HADHB: variants seen among roughly 807,000 people sequenced by gnomAD.
HADHB encodes trifunctional enzyme subunit beta, mitochondrial.
A neutral mutation model predicts 61.9 loss-of-function variants in HADHB; 50 were observed. The ratio of observed to expected loss-of-function variants is 0.81; its 90% CI spans 0.64 to 1.02. The LOEUF is 1.02. Ranked by LOEUF, HADHB falls within the 50% of genes least tolerant of loss-of-function variation. The pLI, the probability that HADHB is intolerant of heterozygous loss-of-function variation, is 0.00. For missense variants in HADHB, 504 were observed against 586.5 expected (o/e 0.86, Z 1.45); for synonymous variants, 191 against 201.6 (o/e 0.95, Z 0.45).
intron 1 of HADHB, among the ~76,000 whole-genome samples, chr2:26,250,926 T>A (rs1671374425): frequency 6.6e-6 from 1 of 151,390 alleles, no homozygotes; most frequent in African/African-American, 2.4e-5. Flanking sequence ...TACATTTAAA[T>A]ATTTAATCTG....
chr2:26,284,102 A>AT lies in HADHB; in HGVS notation c.1062-9dup, dbSNP rs1259845668. The stretch of plus-strand genomic sequence containing the variant: ...AAATTAAAGTTTTAAGATATTACTT[A>AT]TTTTTTCTTTGCAGACCAACATATG... On this transcript the variant is annotated splice_polypyrimidine_tract_variant and intron_variant, in intron 12 of 15. Coordinates refer to ENST00000317799, the MANE Select transcript of HADHB (RefSeq NM_000183.3). 4 of 1,466,476 alleles carry AT rather than the reference A, an allele frequency of 2.7e-6. No individual in the cohort carries two copies. The highest frequency in any genetic ancestry group is 2.8e-5 in the African/African-American group (2 of 72,072). The allele number at this position is 1,466,476 out of a possible 1,614,324, so 90.8% of individuals were successfully genotyped here.
At chr2:26,269,913 T>C (rs376684352) in intron 4 of HADHB, 40 bp from the exon 5 acceptor site, 7 of 1,414,242 alleles carry the variant, frequency 4.9e-6, no homozygotes, top group Non-Finnish European at 6.0e-6. Context: ...TCATTGAAGC[T>C]CTAGGGTTTT....
Position 26,279,280 on chromosome 2 carries a change from G to GT in HADHB, c.776_777insT (p.Leu260ThrfsTer4). On this transcript the variant is annotated frameshift_variant, in exon 9 of 16. Coordinates refer to ENST00000317799, the MANE Select transcript of HADHB (RefSeq NM_000183.3). LOFTEE classifies it high-confidence loss of function. ...CTAGCCAAGAAGGCACAGGATGAAG[G>GT]ACTCCTTTCTGATGTGGTACCCTTC... 1 of 1,613,270 alleles carries GT rather than the reference G, an allele frequency of 6.2e-7. No individual in the cohort carries two copies. Among genetic ancestry groups the GT allele is most frequent in the East Asian group, 2.2e-5 (1 of 44,878 alleles).
intron 1 of HADHB, among the ~76,000 whole-genome samples, chr2:26,249,471 G>A (rs752437465): frequency 5.3e-5 from 8 of 152,044 alleles, no homozygotes; most frequent in Non-Finnish European, 7.4e-5. Flanking sequence ...AGATCGCGCC[G>A]CTGTACTCCA....
In HADHB at chr2:26,257,752, G is replaced by T. The variant is rs146055462; in HGVS notation, c.109+3278G>T. 5.1e-3 allele frequency among the ~76,000 whole-genome samples: 774 copies of T among 152,204 alleles called. 10 individuals carry two copies. The highest frequency in any genetic ancestry group is 0.018 in the African/African-American group (745 of 41,546). ...TTCCCACTTGTGGCTGGGCGTGATG[G>T]CTCACACCTGTAATCCCAGCACTTT... On this transcript the variant is annotated intron_variant, in intron 3 of 15. Transcript: ENST00000317799.
chr2:26,283,125 A>G, intron 12 of HADHB, 74 bp downstream of exon 12: 1 of 930,920 alleles, frequency 1.1e-6, no homozygotes, highest in Admixed American at 1.7e-5. Context: ...ACTGGTTAAT[A>G]AATGATTAAC....
chr2:26,258,578 A>AACAGCGGGTCTGCGACG, intron 3 of HADHB, among the ~76,000 whole-genome samples: 1 of 152,298 alleles, frequency 6.6e-6, no homozygotes, highest in Admixed American at 6.5e-5. Context: ...GGTCTGCGAC[A>AACAGCGGGTCTGCGACG]GTGGCGAACA....
intron 3 of HADHB, among the ~76,000 whole-genome samples, chr2:26,256,769 C>G (rs1306308495): frequency 6.6e-6 from 1 of 152,114 alleles, no homozygotes; most frequent in Admixed American, 6.6e-5. Context: ...GCTCTCAATT[C>G]AGATTCTTAT....
chr2:26,254,237 C>G lies in HADHB; in HGVS notation c.-8-10C>G. The G allele has an allele frequency of 8.5e-7, 1 of 1,173,390 alleles. No individual in the cohort carries two copies. Among genetic ancestry groups the G allele is most frequent in the South Asian group, 1.2e-5 (1 of 81,480 alleles). 72.7% of individuals were successfully genotyped at this position (1,173,390 alleles called of 1,614,324 possible). A position where few individuals can be genotyped will look rare whatever the true frequency, so the allele number is the denominator to read the frequency against. ...TAATCCAGGATATACTTTTGTTCTTCTCTTTTTAGATTCCAGAATGACTAT... is the reference window on the plus strand; with the variant it reads ...TAATCCAGGATATACTTTTGTTCTTGTCTTTTTAGATTCCAGAATGACTAT... On this transcript the variant is annotated splice_polypyrimidine_tract_variant and intron_variant, in intron 1 of 15. Transcript: ENST00000317799.
chr2:26,282,251 C>CTTTTTTT (rs67626722), intron 10 of HADHB, among the ~76,000 whole-genome samples: 11 of 106,864 alleles, frequency 1.0e-4, no homozygotes, highest in South Asian at 3.1e-4. Flanking sequence ...GCAGTTCTTT[C>CTTTTTTT]TTTTTTTTTT....
intron 15 of HADHB, among the ~76,000 whole-genome samples, chr2:26,289,125 C>A (rs183358313): frequency 0.014 from 2,156 of 152,216 alleles, 20 homozygotes; most frequent in South Asian, 0.045. Flanking sequence ...TGGCGGGCGC[C>A]TGTAGTCCCA....
chr2:26,265,122 A>G (rs1325482684), intron 4 of HADHB, among the ~76,000 whole-genome samples: 1 of 152,232 alleles, frequency 6.6e-6, no homozygotes, highest in Non-Finnish European at 1.5e-5. Flanking sequence ...CTGACACAAC[A>G]GTAAAAGTAA....
chr2:26,270,053 T>G, intron 5 of HADHB, 56 bp downstream of exon 5: 3 of 1,110,966 alleles, frequency 2.7e-6, no homozygotes, highest in Non-Finnish European at 4.2e-6. Context: ...CTTTCTCCAG[T>G]TTTTACACAT....
chr2:26,254,997 T>C (rs1425231432), intron 3 of HADHB: 1 of 163,556 alleles, frequency 6.1e-6, no homozygotes, highest in Non-Finnish European at 1.3e-5. Context: ...TGATTTTATA[T>C]GGTCATTTAC....
chr2:26,274,585 C>CT (rs1449135023), intron 6 of HADHB, among the ~76,000 whole-genome samples: 1 of 151,312 alleles, frequency 6.6e-6, no homozygotes, highest in Non-Finnish European at 1.5e-5. Context: ...GCCTACGAAA[C>CT]TAACTGTGTG....
At chr2:26,266,862 ACT>A (rs1672102818) in intron 4 of HADHB, among the ~76,000 whole-genome samples, 1 of 138,260 alleles carries the variant, frequency 7.2e-6, no homozygotes, top group Non-Finnish European at 1.5e-5. Flanking sequence ...GGAGTGAGAC[ACT>A]CTCTCTCAAA....
intron 10 of HADHB, 77 bp downstream of exon 10, chr2:26,280,192 TTTTG>T: frequency 8.5e-7 from 1 of 1,180,654 alleles, no homozygotes; most frequent in African/African-American, 1.5e-5. Context: ...TAATATAACT[TTTTG>T]TGTGTGTTAT....
At chr2:26,270,488 C>G (rs920235533) in intron 5 of HADHB, among the ~76,000 whole-genome samples, 2 of 152,190 alleles carry the variant, frequency 1.3e-5, no homozygotes, top group Non-Finnish European at 2.9e-5. Context: ...GTGTCTTCAA[C>G]CAGCCACAGT....
chr2:26,281,170 A>G lies in HADHB; in HGVS notation c.933+1055A>G, dbSNP rs114211657. 4.6e-3 allele frequency among the ~76,000 whole-genome samples: 699 copies of G among 151,788 alleles called. 4 individuals are homozygous for G. The highest frequency in any genetic ancestry group is 0.016 in the African/African-American group (679 of 41,406). ...TCAACATGTAGCTTCATATCCTTCC[A>G]TGCTTTTCTGACTCCTCAATTAAAC... On this transcript the variant is annotated intron_variant, in intron 10 of 15. Coordinates refer to ENST00000317799, the MANE Select transcript of HADHB (RefSeq NM_000183.3).
Sources: gnomAD v4.1 joint callset for allele counts (sites outside exome capture counted in the v4.1 genomes callset) on GRCh38, gnomAD v4.1.1 for gene constraint, MANE v1.5 for transcripts, NCBI Gene and HGNC (gene_info 2026-07-23, HGNC 2026-07-21) for gene names.